Variants in MTUS2 observed in about 807,000 individuals in gnomAD.
MTUS2 encodes microtubule associated scaffold protein 2.
A neutral mutation model predicts 114.1 loss-of-function variants in MTUS2; 40 were observed. That is an observed-to-expected ratio of 0.35 (90% CI 0.27 to 0.46). The LOEUF is 0.46. MTUS2 is among the 20% of genes least tolerant of loss of function. MTUS2 has a pLI of 1.00. For synonymous variants in MTUS2, 688 were observed against 672.0 expected (o/e 1.02, Z -0.37); for missense variants, 1,679 against 1,705.4 (o/e 0.98, Z 0.27).
At chr13:29,363,550 C>T (rs1457764472) in intron 8 of MTUS2, among the ~76,000 whole-genome samples, 3 of 151,666 alleles carry the variant, frequency 2.0e-5, no homozygotes, top group Non-Finnish European at 4.4e-5. Context: ...CCTTTTATCA[C>T]AAAAAAAATT....
chr13:29,137,041 C>T (rs1189939164), intron 5 of MTUS2, among the ~76,000 whole-genome samples: 1 of 152,156 alleles, frequency 6.6e-6, no homozygotes, highest in African/African-American at 2.4e-5. Context: ...ATTTGGTAGT[C>T]AGAGATGAAA....
At chr13:28,984,782 G>A (rs1242716197) in intron 2 of MTUS2, among the ~76,000 whole-genome samples, 1 of 152,248 alleles carries the variant, frequency 6.6e-6, no homozygotes, top group Non-Finnish European at 1.5e-5. Context: ...CTAAGGAAGG[G>A]CTAGGGCAGC....
intron 2 of MTUS2, among the ~76,000 whole-genome samples, chr13:28,917,448 G>A (rs1880806668): frequency 6.6e-6 from 1 of 151,692 alleles, no homozygotes; most frequent in South Asian, 2.1e-4. Context: ...ATTTGTTATT[G>A]GTCTGTTTGG....
intron 5 of MTUS2, among the ~76,000 whole-genome samples, chr13:29,166,415 G>A (rs1893319968): frequency 6.6e-6 from 1 of 152,162 alleles, no homozygotes; most frequent in African/African-American, 2.4e-5. Flanking sequence ...CTGGAACATG[G>A]GTACTCTTGT....
intron 8 of MTUS2, among the ~76,000 whole-genome samples, chr13:29,385,893 CT>C (rs1486870072): frequency 6.6e-6 from 1 of 152,182 alleles, no homozygotes; most frequent in East Asian, 1.9e-4. Context: ...ATGAAGTGAA[CT>C]GTCTCTCTGT....
intron 5 of MTUS2, among the ~76,000 whole-genome samples, chr13:29,147,174 C>A (rs1235652558): frequency 1.3e-5 from 2 of 152,114 alleles, no homozygotes; most frequent in Non-Finnish European, 2.9e-5. Context: ...AGATAACGTT[C>A]ATTTGCCAAG....
At chr13:29,471,921 G>A (rs551507242) in intron 9 of MTUS2, among the ~76,000 whole-genome samples, 12 of 152,290 alleles carry the variant, frequency 7.9e-5, no homozygotes, top group East Asian at 5.8e-4. Flanking sequence ...TTTTCACAGC[G>A]CCAGCTCCCT....
intron 6 of MTUS2, among the ~76,000 whole-genome samples, chr13:29,304,731 A>G (rs567972544): frequency 6.6e-6 from 1 of 152,314 alleles, no homozygotes; most frequent in African/African-American, 2.4e-5. Context: ...CAGATGATCA[A>G]GACAGAAAAT....
chr13:29,187,746 A>G (rs1894284594), intron 5 of MTUS2, among the ~76,000 whole-genome samples: 1 of 152,204 alleles, frequency 6.6e-6, no homozygotes, highest in Non-Finnish European at 1.5e-5. Flanking sequence ...GATTTCAGCC[A>G]AGCCTGCTTA....
At chr13:29,367,334 T>C (rs1277530890) in intron 8 of MTUS2, among the ~76,000 whole-genome samples, 1 of 152,020 alleles carries the variant, frequency 6.6e-6, no homozygotes, top group Admixed American at 6.6e-5. Context: ...AGGACCACTC[T>C]GTGGAAGGTG....
chr13:29,265,909 A>G (rs1897649144), intron 5 of MTUS2, among the ~76,000 whole-genome samples: 1 of 152,206 alleles, frequency 6.6e-6, no homozygotes, highest in Non-Finnish European at 1.5e-5. Flanking sequence ...TCAAAACCAA[A>G]TCAGCATCCT....
In MTUS2 at chr13:29,151,471, C is replaced by T. The variant is rs546099136; in HGVS notation, c.2644+50501C>T. On this transcript the variant is annotated intron_variant, in intron 5 of 15. Coordinates refer to ENST00000612955, the MANE Select transcript of MTUS2 (RefSeq NM_001033602.4). ...GTATAGGGTTTTCAAGGTATATGATCGTATCAGTGAAGAGGGATAATTTGA... is the reference window on the plus strand; with the variant it reads ...GTATAGGGTTTTCAAGGTATATGATTGTATCAGTGAAGAGGGATAATTTGA... 7.2e-5 allele frequency among the ~76,000 whole-genome samples: 11 copies of T among 152,136 alleles called. No individual in the cohort carries two copies. The East Asian group carries it at 1.5e-3, about 21-fold the overall frequency.
At chr13:29,167,659 A>G (rs1021255951) in intron 5 of MTUS2, among the ~76,000 whole-genome samples, 1 of 152,164 alleles carries the variant, frequency 6.6e-6, no homozygotes, top group Non-Finnish European at 1.5e-5. Context: ...AAGTAATACA[A>G]GTTGAGCATC....
chr13:29,443,800 C>A (rs1420328855), intron 9 of MTUS2, among the ~76,000 whole-genome samples: 1 of 152,146 alleles, frequency 6.6e-6, no homozygotes, highest in Non-Finnish European at 1.5e-5. Context: ...AGTCCCTTCC[C>A]CTTAGCACCA....
At chr13:28,984,890 T>C (rs1884513721) in intron 2 of MTUS2, among the ~76,000 whole-genome samples, 1 of 152,262 alleles carries the variant, frequency 6.6e-6, no homozygotes, top group Admixed American at 6.5e-5. Context: ...ACATTTGGGT[T>C]GTGTTTTCCT....
At chr13:29,117,691 T>C (rs990337110) in intron 5 of MTUS2, among the ~76,000 whole-genome samples, 3 of 152,192 alleles carry the variant, frequency 2.0e-5, no homozygotes, top group Admixed American at 6.5e-5. Context: ...TGAATTATTT[T>C]TCCAGCACCA....
intron 8 of MTUS2, among the ~76,000 whole-genome samples, chr13:29,422,630 G>A (rs1315139682): frequency 1.4e-5 from 2 of 146,718 alleles, no homozygotes; most frequent in Non-Finnish European, 3.0e-5. Context: ...ATAAGCCTGT[G>A]ATGTCATGAT....
At chr13:29,408,541 C>A (rs974429599) in intron 8 of MTUS2, among the ~76,000 whole-genome samples, 8 of 152,158 alleles carry the variant, frequency 5.3e-5, no homozygotes, top group African/African-American at 1.9e-4. Flanking sequence ...TGGTCTTGAA[C>A]CCCTGAGCTT....
chr13:29,441,137 A>G (rs1325557704), intron 9 of MTUS2, among the ~76,000 whole-genome samples: 2 of 152,112 alleles, frequency 1.3e-5, no homozygotes, highest in African/African-American at 2.4e-5. Context: ...CTAGTGTGTG[A>G]TCCGGAGCAG....
Sources: gnomAD v4.1 joint callset for allele counts (sites outside exome capture counted in the v4.1 genomes callset) on GRCh38, gnomAD v4.1.1 for gene constraint, MANE v1.5 for transcripts, NCBI Gene and HGNC (gene_info 2026-07-23, HGNC 2026-07-21) for gene names.